APH1B: variants seen among roughly 807,000 people sequenced by gnomAD.
APH1B encodes the protein aph-1B gamma-secretase subunit, also known as gamma-secretase subunit APH-1B.
APH1B carries 27 observed loss-of-function variants against 28.2 expected under a neutral mutation model. The observed-to-expected ratio is 0.96, with a 90% CI of 0.70 to 1.32. The LOEUF is 1.32. Ranked by LOEUF, APH1B falls within the 40% of genes most tolerant of loss-of-function variation. The pLI is 0.00. For synonymous variants in APH1B, 141 were observed against 124.6 expected (o/e 1.13, Z -0.88); for missense variants, 305 against 313.6 (o/e 0.97, Z 0.21).
chr15:63,302,403 T>C lies in APH1B; in HGVS notation c.537T>C (p.Asp179=), dbSNP rs1236665461. The stretch of plus-strand genomic sequence containing the variant: ...TATTCTGGGGCATTGTATTTTTTGA[T>C]GGCTGTGAGAAGAAAAAGTGGGGCA... The part of the protein sequence containing the change: ...LHVFWGIVFF[D]GCEKKKWGIL... The change falls in exon 5 of 6, where the codon GAT becomes GAC. Residue 179 remains aspartate, a synonymous_variant. Coordinates refer to ENST00000261879, the MANE Select transcript of APH1B (RefSeq NM_031301.4). The C allele has an allele frequency of 6.2e-7, 1 of 1,614,184 alleles. No individual in the cohort carries two copies.
intron 4 of APH1B, among the ~76,000 whole-genome samples, chr15:63,301,533 A>G (rs775013490): frequency 5.9e-5 from 9 of 152,200 alleles, no homozygotes; most frequent in Non-Finnish European, 1.0e-4. Flanking sequence ...ATTCAGTGCC[A>G]GTTGCCTAAG....
intron 4 of APH1B, among the ~76,000 whole-genome samples, chr15:63,297,917 T>C (rs1375673880): frequency 1.3e-5 from 2 of 152,180 alleles, no homozygotes; most frequent in Non-Finnish European, 2.9e-5. Flanking sequence ...ACTGCATAAA[T>C]GAGCCGAGTA....
intron 4 of APH1B, among the ~76,000 whole-genome samples, chr15:63,288,272 C>T (rs1171415900): frequency 1.3e-5 from 2 of 152,026 alleles, no homozygotes; most frequent in African/African-American, 4.8e-5. Flanking sequence ...AGCTTATCCT[C>T]TAATAAGGGA....
At chr15:63,287,569 C>A (rs1413684733) in intron 4 of APH1B, 23 bp downstream of exon 4, 4 of 1,610,882 alleles carry the variant, frequency 2.5e-6, no homozygotes, top group Middle Eastern at 1.6e-4. Context: ...TAGCTGTCAA[C>A]ATTCAGGCTT....
chr15:63,287,331 C>T, intron 3 of APH1B, 93 bp from the exon 4 acceptor site: 1 of 1,519,764 alleles, frequency 6.6e-7, no homozygotes, highest in East Asian at 2.3e-5. Flanking sequence ...AGCACCCTTT[C>T]CCCTCCAACA....
chr15:63,295,465 G>GT (rs1283948504), intron 4 of APH1B, among the ~76,000 whole-genome samples: 7 of 152,188 alleles, frequency 4.6e-5, no homozygotes. Flanking sequence ...AGTTTCAAAT[G>GT]TTTTTTAATG....
intron 4 of APH1B, among the ~76,000 whole-genome samples, chr15:63,290,888 G>C (rs2038498127): frequency 6.6e-6 from 1 of 151,484 alleles, no homozygotes; most frequent in Non-Finnish European, 1.5e-5. Flanking sequence ...GTGCCATAAC[G>C]AGTAGAGATT....
At chr15:63,277,962 G>A (rs2038343309) in intron 1 of APH1B, 1 of 567,778 alleles carries the variant, frequency 1.8e-6, no homozygotes, top group Non-Finnish European at 3.1e-6. Flanking sequence ...TCATGGGTGG[G>A]GTTTAGTGAT....
At chr15:63,298,910 AAAG>A (rs1349547282) in intron 4 of APH1B, among the ~76,000 whole-genome samples, 1 of 151,790 alleles carries the variant, frequency 6.6e-6, no homozygotes, top group Non-Finnish European at 1.5e-5. Context: ...AAAAAAAAAA[AAAG>A]GAGGAGGGTA....
At chr15:63,285,307 A>C (rs1189018410) in intron 2 of APH1B, among the ~76,000 whole-genome samples, 1 of 152,234 alleles carries the variant, frequency 6.6e-6, no homozygotes, top group Non-Finnish European at 1.5e-5. Flanking sequence ...AATGCCCAGA[A>C]AGTAAGTATG....
chr15:63,302,442 T>C lies in APH1B; in HGVS notation c.576T>C (p.Val192=), dbSNP rs749015137. The change falls in exon 5 of 6, where the codon GTT becomes GTC. Residue 192 remains valine (V), a synonymous_variant. Coordinates refer to ENST00000261879, the MANE Select transcript of APH1B (RefSeq NM_031301.4). ...EKKKWGILLI[V]LLTHLLVSAQ... ...AAAAGTGGGGCATCCTCCTTATCGT[T>C]CTCCTGACCCACCTGCTGGTGTCAG... is the stretch of plus-strand genomic sequence containing the variant. The C allele has an allele frequency of 2.5e-6, 4 of 1,613,720 alleles. No individual in the cohort carries two copies. The African/African-American group carries it at 5.3e-5, about 22-fold the overall frequency.
rs1473118048 is a variant in APH1B at position 63,307,420 on chromosome 15, T to C, written c.*1639T>C. ...AAGAGGAGGGCTTCTATCAATGCTG[T>C]AAACAGTCTGATAAGCGACTGTGGT... is the stretch of plus-strand genomic sequence containing the variant. On this transcript the variant is annotated 3_prime_UTR_variant, in exon 6 of 6. Transcript: ENST00000261879. 1.3e-5 allele frequency: 2 copies of C among 152,234 alleles called. No homozygotes were observed. Among genetic ancestry groups the C allele is most frequent in the East Asian group, 3.8e-4 (2 of 5,200 alleles). The allele number at this position is 152,234 out of a possible 1,614,324, so 9.4% of individuals were successfully genotyped here. A position where few individuals can be genotyped will look rare whatever the true frequency, so the allele number is the denominator to read the frequency against.
Position 63,306,173 on chromosome 15 carries a change from T to A in APH1B, c.*392T>A. The A allele has an allele frequency of 5.9e-6, 1 of 170,576 alleles. No homozygotes were observed. Among genetic ancestry groups the A allele is most frequent in the Non-Finnish European group, 1.3e-5 (1 of 79,530 alleles). 10.6% of individuals were successfully genotyped at this position (170,576 alleles called of 1,614,324 possible). On this transcript the variant is annotated 3_prime_UTR_variant, in exon 6 of 6. Coordinates refer to ENST00000261879, the MANE Select transcript of APH1B (RefSeq NM_031301.4). ...TGGATGAGAATCTGGTCTTTAGCTG[T>A]CTCCTAACTCAACTCGTGCTGAGCA... is the stretch of plus-strand genomic sequence containing the variant.
intron 2 of APH1B, among the ~76,000 whole-genome samples, chr15:63,282,070 C>A (rs2152592640): frequency 6.6e-6 from 1 of 152,252 alleles, no homozygotes; most frequent in Middle Eastern, 3.4e-3. Context: ...ATTTTCCCAG[C>A]AAATTTGAGA....
chr15:63,283,531 A>C (rs755014738), intron 2 of APH1B, among the ~76,000 whole-genome samples: 5 of 152,170 alleles, frequency 3.3e-5, no homozygotes, highest in Non-Finnish European at 5.9e-5. Flanking sequence ...TGCCCAGACA[A>C]TTTATCTCTT....
intron 4 of APH1B, among the ~76,000 whole-genome samples, chr15:63,294,342 C>T (rs980627232): frequency 2.0e-5 from 3 of 152,228 alleles, no homozygotes; most frequent in African/African-American, 4.8e-5. Context: ...CCCCGCCCCC[C>T]GGCAACCTCT....
chr15:63,289,034 C>T (rs2038476491), intron 4 of APH1B, among the ~76,000 whole-genome samples: 1 of 151,966 alleles, frequency 6.6e-6, no homozygotes, highest in African/African-American at 2.4e-5. Context: ...TAAAATGATT[C>T]TTTTGGTAGT....
At chr15:63,301,849 G>T (rs986661362) in intron 4 of APH1B, among the ~76,000 whole-genome samples, 1 of 152,184 alleles carries the variant, frequency 6.6e-6, no homozygotes, top group Non-Finnish European at 1.5e-5. Flanking sequence ...TGACTCAAGT[G>T]ATCTGCCTGC....
At chr15:63,297,967 T>C (rs1343044614) in intron 4 of APH1B, among the ~76,000 whole-genome samples, 1 of 152,184 alleles carries the variant, frequency 6.6e-6, no homozygotes, top group African/African-American at 2.4e-5. Context: ...CCAAGGGATC[T>C]CTTCTAGATA....
Sources: allele counts gnomAD v4.1 joint callset (sites outside exome capture counted in the v4.1 genomes callset), GRCh38; gene constraint gnomAD v4.1.1; transcripts MANE v1.5; gene names NCBI Gene and HGNC (gene_info 2026-07-23, HGNC 2026-07-21).